The following TDRD5 variants were observed in gnomAD, a reference collection of about 807,000 sequenced individuals.
TDRD5 encodes the protein tudor domain containing 5.
Under a neutral mutation model 120.6 loss-of-function variants are expected in TDRD5, and 41 were observed. That is an observed-to-expected ratio of 0.34 (90% confidence interval 0.26 to 0.44). The LOEUF is 0.44. TDRD5 is among the 20% of genes least tolerant of loss of function. The pLI, the probability that TDRD5 is intolerant of heterozygous loss-of-function variation, is 1.00. For missense variants in TDRD5, 1,006 were observed against 1,221.2 expected, an observed-to-expected ratio of 0.82 and a Z score of 2.63; for synonymous variants, 430 against 433.7, an observed-to-expected ratio of 0.99 and a Z score of 0.11.
chr1:179,651,774 G>A lies in TDRD5; in HGVS notation c.2002-265G>A, dbSNP rs547240314. The stretch of plus-strand genomic sequence containing the variant: ...TAAAAATACAAAAAATTAGTCAGGC[G>A]TGATGGCACGTGCCTGTAGTCCCAG... On this transcript the variant is annotated intron_variant, in intron 12 of 17. Transcript: ENST00000444136. 6.3e-4 allele frequency among the ~76,000 whole-genome samples: 96 copies of A among 151,980 alleles called. 3 individuals are homozygous for A. The South Asian group carries it at 0.019, about 31-fold the overall frequency.
intron 17 of TDRD5, among the ~76,000 whole-genome samples, chr1:179,680,422 C>CT (rs1680362299): frequency 6.6e-6 from 1 of 152,006 alleles, no homozygotes; most frequent in South Asian, 2.1e-4. Flanking sequence ...TTGTCTTTTT[C>CT]TTTTTTCAGT....
At position 179,644,912 on chromosome 1, in the gene TDRD5, T is replaced by C. The variant is rs1002077572; in HGVS notation, c.1800+4467T>C. Among the ~76,000 whole-genome samples the C allele has an allele frequency of 2.0e-5, 3 of 152,122 alleles. No homozygotes were observed. In the South Asian group the frequency reaches 6.2e-4, roughly 32 times the overall value. On this transcript the variant is annotated intron_variant, in intron 11 of 17. Coordinates refer to ENST00000444136, the MANE Select transcript of TDRD5 (RefSeq NM_001199085.3). ...TTTTGCTGTTCTTTCCCTAACTTCT[T>C]GATGTGCAAGCTTAGGTTATTTCTA...
intron 8 of TDRD5, among the ~76,000 whole-genome samples, chr1:179,634,934 G>C (rs534077756): frequency 3.9e-5 from 6 of 152,128 alleles, no homozygotes; most frequent in African/African-American, 1.4e-4. Flanking sequence ...GAGAGGCTTC[G>C]TTTTGGCTGT....
chr1:179,675,531 G>A (rs1459316299), intron 17 of TDRD5, among the ~76,000 whole-genome samples: 3 of 151,298 alleles, frequency 2.0e-5, no homozygotes, highest in Non-Finnish European at 2.9e-5. Flanking sequence ...CGCCCGCCTC[G>A]GCCTCCCAAA....
chr1:179,622,791 A>G (rs1235602943), intron 6 of TDRD5, among the ~76,000 whole-genome samples: 1 of 152,178 alleles, frequency 6.6e-6, no homozygotes, highest in Non-Finnish European at 1.5e-5. Context: ...TAATGTATCT[A>G]TTAATATAAT....
intron 13 of TDRD5, among the ~76,000 whole-genome samples, chr1:179,653,923 C>A (rs1678852567): frequency 6.6e-6 from 1 of 152,192 alleles, no homozygotes; most frequent in Non-Finnish European, 1.5e-5. Context: ...GGTCTTTCCA[C>A]AACATTTTTT....
chr1:179,661,984 A>G (rs896541671), intron 14 of TDRD5, 120 bp from the exon 15 acceptor site: 2 of 880,886 alleles, frequency 2.3e-6, no homozygotes, highest in Non-Finnish European at 1.6e-6. Context: ...AAATTAATAA[A>G]TTGTGAATTC....
chr1:179,630,978 G>C, intron 7 of TDRD5, 58 bp downstream of exon 7: 2 of 1,464,962 alleles, frequency 1.4e-6, no homozygotes, highest in Non-Finnish European at 9.2e-7. Context: ...TGAGGACAAA[G>C]AGAAAACATG....
intron 6 of TDRD5, among the ~76,000 whole-genome samples, chr1:179,626,337 A>G (rs1287549759): frequency 1.3e-5 from 2 of 152,214 alleles, no homozygotes; most frequent in Non-Finnish European, 2.9e-5. Flanking sequence ...TGTCTTTTAT[A>G]TTAAATAATA....
At chr1:179,607,390 C>A (rs1035552001) in intron 4 of TDRD5, among the ~76,000 whole-genome samples, 1 of 152,046 alleles carries the variant, frequency 6.6e-6, no homozygotes, top group Non-Finnish European at 1.5e-5. Flanking sequence ...TTTATTTCTT[C>A]CTTCCCAGTC....
chr1:179,688,515 T>C (rs1313471610), intron 17 of TDRD5, among the ~76,000 whole-genome samples: 1 of 152,230 alleles, frequency 6.6e-6, no homozygotes, highest in Non-Finnish European at 1.5e-5. Context: ...ATCTGACAAT[T>C]ATGTTTCTTG....
At chr1:179,630,091 G>A (rs979544160) in intron 6 of TDRD5, among the ~76,000 whole-genome samples, 5 of 151,242 alleles carry the variant, frequency 3.3e-5, no homozygotes, top group Admixed American at 2.6e-4. Context: ...GCCATTCTCC[G>A]GGTTCATGCC....
At position 179,593,479 on chromosome 1, in the gene TDRD5, C is replaced by T. The variant is rs1251255990; in HGVS notation, c.252C>T (p.Thr84=). The change falls in exon 3 of 18, where the codon ACC becomes ACT. Residue 84 remains threonine, a synonymous_variant. Transcript: ENST00000444136. The part of the protein sequence containing the change: ...VILKAIPDES[T]KGIASLVAKQ... Reference sequence around the variant, plus strand: ...TCTCAGCCATTCCAGATGAATCTACCAAAGGAATAGCAAGCTTAGTTGCAA... The same window carrying T: ...TCTCAGCCATTCCAGATGAATCTACTAAAGGAATAGCAAGCTTAGTTGCAA... 2 of 1,612,548 alleles carry T rather than the reference C, an allele frequency of 1.2e-6. No individual in the cohort carries two copies. The highest frequency in any genetic ancestry group is 1.7e-6 in the Non-Finnish European group (2 of 1,178,740).
intron 4 of TDRD5, among the ~76,000 whole-genome samples, chr1:179,614,084 T>A (rs1192298219): frequency 1.3e-5 from 2 of 152,206 alleles, no homozygotes; most frequent in African/African-American, 2.4e-5. Flanking sequence ...GTTTTTAAAT[T>A]TTTTTATTAC....
chr1:179,645,883 A>G (rs967768071), intron 11 of TDRD5, among the ~76,000 whole-genome samples: 1 of 152,136 alleles, frequency 6.6e-6, no homozygotes, highest in Non-Finnish European at 1.5e-5. Context: ...TGATGTTAAT[A>G]TAACTATCAT....
intron 11 of TDRD5, among the ~76,000 whole-genome samples, chr1:179,648,514 C>CGG (rs1362273856): frequency 6.9e-6 from 1 of 144,214 alleles, no homozygotes; most frequent in Non-Finnish European, 1.5e-5. Flanking sequence ...TTAGTGGATG[C>CGG]GGCGCACCAG....
chr1:179,665,115 G>T (rs1351611899), intron 16 of TDRD5, among the ~76,000 whole-genome samples: 10 of 152,026 alleles, frequency 6.6e-5, no homozygotes, highest in Non-Finnish European at 1.3e-4. Flanking sequence ...TTTAAAAGTA[G>T]GTTGTCTTTT....
chr1:179,651,035 GC>G lies in TDRD5; in HGVS notation c.1970del (p.Ala657ValfsTer19). Reference protein sequence around the residue: ...FHHVLRTEGHAIVCRENISSK... With the variant: ...FHHVLRTEGHXIVCRENISSK... Reference sequence around the variant, plus strand: ...TCATGTCTTGAGAACAGAGGGCCATGCTATTGTATGCCGAGAAAATATCTCT... The same window carrying G: ...TCATGTCTTGAGAACAGAGGGCCATGTATTGTATGCCGAGAAAATATCTCT... On this transcript the variant is annotated frameshift_variant, in exon 12 of 18. Transcript: ENST00000444136. LOFTEE classifies it high-confidence loss of function. The G allele has an allele frequency of 1.9e-6, 3 of 1,614,098 alleles. No individual in the cohort carries two copies. The highest frequency in any genetic ancestry group is 2.5e-6 in the Non-Finnish European group (3 of 1,179,996).
chr1:179,681,066 TTATC>T (rs35836555), intron 17 of TDRD5, among the ~76,000 whole-genome samples: 50,975 of 151,742 alleles, frequency 0.34, 8,734 homozygotes, highest in Admixed American at 0.42. Flanking sequence ...TTACAAAATT[TTATC>T]TATCTATCTA....
Sources: gnomAD v4.1 joint callset for allele counts (sites outside exome capture counted in the v4.1 genomes callset) on GRCh38, gnomAD v4.1.1 for gene constraint, MANE v1.5 for transcripts, NCBI Gene and HGNC (gene_info 2026-07-23, HGNC 2026-07-21) for gene names.